The following TTC14 variants were observed in gnomAD, a reference collection of about 807,000 sequenced individuals.
TTC14 encodes the protein tetratricopeptide repeat domain 14, also known as tetratricopeptide repeat protein 14.
Under a neutral mutation model 79.9 loss-of-function variants are expected in TTC14, and 63 were observed. The ratio of observed to expected loss-of-function variants is 0.79; its 90% CI spans 0.64 to 0.97. TTC14 has a LOEUF of 0.97. Among genes scored for constraint, TTC14 ranks in the 50% least tolerant of loss-of-function variants. The pLI is 0.00. For synonymous variants in TTC14, 335 were observed against 309.6 expected (o/e 1.08, Z -0.86); for missense variants, 895 against 894.0 (o/e 1.00, Z -0.01).
chr3:180,604,794 C>T, intron 5 of TTC14, 58 bp from the exon 6 acceptor site: 1 of 1,518,050 alleles, frequency 6.6e-7, no homozygotes, highest in East Asian at 2.3e-5. Context: ...TATTTCTTTA[C>T]TAGAAATGGA....
intron 8 of TTC14, 41 bp downstream of exon 8, chr3:180,606,413 G>T: frequency 6.2e-7 from 1 of 1,613,322 alleles, no homozygotes; most frequent in Non-Finnish European, 8.5e-7. Flanking sequence ...TGTTTACCAG[G>T]TAAATGCGAA....
intron 10 of TTC14, 81 bp downstream of exon 10, chr3:180,607,846 C>A: frequency 6.4e-7 from 1 of 1,570,114 alleles, no homozygotes; most frequent in South Asian, 1.2e-5. Context: ...GAAAACTATT[C>A]TACATTACTT....
intron 1 of TTC14, 62 bp downstream of exon 1, chr3:180,602,484 C>T: frequency 6.6e-7 from 1 of 1,508,070 alleles, no homozygotes; most frequent in Non-Finnish European, 8.8e-7. Flanking sequence ...CAGCCACTAC[C>T]GCAGCCCCGG....
chr3:180,611,273 C>G, downstream of TTC14: 1 of 634,090 alleles, frequency 1.6e-6, no homozygotes, highest in South Asian at 7.0e-5. Context: ...TTTACAAGGC[C>G]CTTAGGGCCT....
At chr3:180,609,242 T>TGCCACCC in intron 11 of TTC14, 1 of 606,942 alleles carries the variant, frequency 1.6e-6, no homozygotes, top group Non-Finnish European at 2.1e-6. Flanking sequence ...ACAGGTCAGC[T>TGCCACCC]CCCACCCGCA....
chr3:180,602,803 A>G (rs1336079141), intron 1 of TTC14, 88 bp from the exon 2 acceptor site: 4 of 1,424,416 alleles, frequency 2.8e-6, no homozygotes, highest in Non-Finnish European at 3.8e-6. Flanking sequence ...ATGGAGCGGA[A>G]TGGGCGATGA....
rs370217176 is a variant in TTC14 at position 180,604,863 on chromosome 3, A to G, written c.713A>G (p.Glu238Gly). ...ELPLYYRRSV[E>G]LNSNSLESYE... ...TGTATTTTTTTAAGGAGAAGTGTTGAGCTAAATAGCAATTCTTTGGAGTCC... is the reference window on the plus strand; with the variant it reads ...TGTATTTTTTTAAGGAGAAGTGTTGGGCTAAATAGCAATTCTTTGGAGTCC... Residue 238 changes from glutamate to glycine, a missense_variant, in exon 6 of 12, where the codon GAG becomes GGG. Physicochemically the swap from Glu to Gly is moderately conservative, Grantham distance 98. Transcript: ENST00000296015. 2 of 1,609,378 alleles carry G rather than the reference A, an allele frequency of 1.2e-6. No homozygotes were observed. Among genetic ancestry groups the G allele is most frequent in the Non-Finnish European group, 1.7e-6 (2 of 1,178,602 alleles).
At chr3:180,615,171 G>C, downstream of TTC14, 1 of 888,798 alleles carries the variant, frequency 1.1e-6, no homozygotes, top group Non-Finnish European at 1.7e-6. Flanking sequence ...AATTCCATAA[G>C]TAAAGACATC....
chr3:180,609,242 T>TTC, intron 11 of TTC14: 1 of 606,946 alleles, frequency 1.6e-6, no homozygotes, highest in Non-Finnish European at 2.1e-6. Context: ...ACAGGTCAGC[T>TTC]CCCACCCGCA....
intron 9 of TTC14, 132 bp downstream of exon 9, chr3:180,606,735 G>A: frequency 8.9e-7 from 1 of 1,128,744 alleles, no homozygotes; most frequent in East Asian, 2.5e-5. Context: ...AAATGGGAAA[G>A]TACAAGAGAT....
At position 180,603,095 on chromosome 3, in the gene TTC14, T is replaced by A. The variant is rs376730797; in HGVS notation, c.287-29T>A. On this transcript the variant is annotated intron_variant, in intron 2 of 11. Coordinates refer to ENST00000296015, the MANE Select transcript of TTC14 (RefSeq NM_133462.4). ...GTGAAACGGAACTCAAAACTATCGT[T>A]AGTGATTTTGTTAATTTTTTTTTTT... 3.7e-6 allele frequency: 6 copies of A among 1,610,838 alleles called. No individual in the cohort carries two copies. In the African/African-American group the frequency reaches 8.1e-5, roughly 22 times the overall value.
rs1716703711 is a variant in TTC14, at chr3:180,606,572, C to G, written c.1141C>G (p.Leu381Val). Residue 381 changes from leucine (L) to valine (V), a missense_variant, in exon 9 of 12, where the codon CTC becomes GTC. Physicochemically the swap from Leu to Val is conservative, Grantham distance 32 (BLOSUM62 1). Transcript: ENST00000296015. ...AACTCACAGAAATGCAAGAAAATAC[C>G]TCTGCCAGACACTTGTAGAGAGAGG... is the stretch of plus-strand genomic sequence containing the variant. Reference protein sequence around the residue: ...CPTHRNARKYLCQTLVERGGQ... With the variant: ...CPTHRNARKYVCQTLVERGGQ... 6.2e-7 allele frequency: 1 copy of G among 1,613,932 alleles called. No homozygotes were observed. The highest frequency in any genetic ancestry group is 8.5e-7 in the Non-Finnish European group (1 of 1,179,886).
downstream of TTC14, chr3:180,614,931 C>T: frequency 6.4e-7 from 1 of 1,560,754 alleles, no homozygotes; most frequent in South Asian, 1.2e-5. Flanking sequence ...TTATTTGCTG[C>T]TCTTTTTGCT....
chr3:180,617,335 C>A (rs531052462), intron 12 of TTC14: 4 of 498,970 alleles, frequency 8.0e-6, no homozygotes, highest in African/African-American at 7.8e-5. Context: ...AAAGATATTA[C>A]TGATTTATGT....
At chr3:180,616,481 T>C in intron 12 of TTC14, 7 of 1,507,344 alleles carry the variant, frequency 4.6e-6, no homozygotes, top group Non-Finnish European at 6.2e-6. Flanking sequence ...TTCATGAAGT[T>C]TTTAAGAAAT....
At position 180,617,504 on chromosome 3, in the gene TTC14, C is replaced by A. The variant is rs1239784484; in HGVS notation, c.1899C>A (p.Asp633Glu). Reference sequence around the variant, plus strand: ...CCATTCATGTTACTGACCCTGAAGACCTTCAAGTGGGACAAGATATGGAGG... The same window carrying A: ...CCATTCATGTTACTGACCCTGAAGAACTTCAAGTGGGACAAGATATGGAGG... Residue 633 changes from aspartate to glutamate, a missense_variant, in exon 13 of 13, where the codon GAC (aspartate) becomes GAA (glutamate). Transcript: ENST00000382584. 3.4e-5 allele frequency: 23 copies of A among 668,552 alleles called. 1 individual carries two copies. In the South Asian group the frequency reaches 3.7e-4, roughly 11 times the overall value. 41.4% of individuals were successfully genotyped at this position (668,552 alleles called of 1,614,324 possible).
intron 12 of TTC14, chr3:180,617,329 A>G: frequency 4.0e-6 from 2 of 498,318 alleles, no homozygotes; most frequent in Non-Finnish European, 7.1e-6. Context: ...ATAATAAAAG[A>G]TATTACTGAT....
At chr3:180,608,659 A>G (rs1350154877) in intron 10 of TTC14, 42 bp from the exon 11 acceptor site, 1 of 1,458,816 alleles carries the variant, frequency 6.9e-7, no homozygotes, top group Non-Finnish European at 9.0e-7. Context: ...ATATTCTGCT[A>G]TTTTTAACGT....
intron 11 of TTC14, 29 bp from the exon 12 acceptor site, chr3:180,609,601 A>G (rs777974429): frequency 6.6e-7 from 1 of 1,514,480 alleles, no homozygotes; most frequent in Non-Finnish European, 8.8e-7. Flanking sequence ...ATTTTTGTAT[A>G]TATATGACAA....
Sources: gnomAD v4.1 joint callset for allele counts on GRCh38, gnomAD v4.1.1 for gene constraint, MANE v1.5 for transcripts, NCBI Gene and HGNC (gene_info 2026-07-23, HGNC 2026-07-21) for gene names.